NTN4: variants seen among roughly 807,000 people sequenced by gnomAD.
NTN4 encodes netrin-4.
NTN4 carries 32 observed loss-of-function variants against 73.6 expected under a neutral mutation model. The ratio of observed to expected loss-of-function variants is 0.44; its 90% confidence interval spans 0.33 to 0.58. The LOEUF (loss-of-function observed/expected upper bound fraction) is 0.58, where lower values mean the gene tolerates loss of function less well. NTN4 is among the 20% of genes least tolerant of loss of function. The pLI, the probability that NTN4 is intolerant of heterozygous loss-of-function variation, is 0.04. For missense variants in NTN4, 654 were observed against 798.3 expected (o/e 0.82, Z 2.18); for synonymous variants, 258 against 287.5 (o/e 0.90, Z 1.04).
intron 5 of NTN4, among the ~76,000 whole-genome samples, chr12:95,710,154 C>T (rs1021935516): frequency 4.6e-5 from 7 of 152,190 alleles, no homozygotes; most frequent in African/African-American, 1.7e-4. Flanking sequence ...CCCTCTTCAT[C>T]ACTCTTTTTT....
intron 5 of NTN4, among the ~76,000 whole-genome samples, chr12:95,703,068 G>C (rs2078498222): frequency 6.6e-6 from 1 of 152,012 alleles, no homozygotes; most frequent in Non-Finnish European, 1.5e-5. Context: ...TGTTGGCCAG[G>C]CTGGTCTCGA....
At chr12:95,708,256 T>TTTTATTTATTTATTTA (rs200402415) in intron 5 of NTN4, among the ~76,000 whole-genome samples, 6 of 142,380 alleles carry the variant, frequency 4.2e-5, no homozygotes, top group African/African-American at 1.3e-4. Context: ...TTTATTGTTA[T>TTTTATTTATTTATTTA]TTTATTTATT....
chr12:95,724,288 C>T (rs1295509859), intron 3 of NTN4, among the ~76,000 whole-genome samples: 5 of 152,114 alleles, frequency 3.3e-5, no homozygotes, highest in Admixed American at 1.3e-4. Flanking sequence ...ATACTGTTAC[C>T]AATTATGAGA....
intron 2 of NTN4, among the ~76,000 whole-genome samples, chr12:95,763,988 G>A (rs1328952985): frequency 6.6e-6 from 1 of 152,212 alleles, no homozygotes; most frequent in Non-Finnish European, 1.5e-5. Context: ...GAAAGGGGAG[G>A]AAAGAGTCAC....
chr12:95,709,984 G>T (rs2078552234), intron 5 of NTN4, among the ~76,000 whole-genome samples: 1 of 152,168 alleles, frequency 6.6e-6, no homozygotes, highest in Admixed American at 6.5e-5. Context: ...AATCAAAATG[G>T]ATTTATAAGG....
intron 2 of NTN4, among the ~76,000 whole-genome samples, chr12:95,754,121 A>G (rs914293746): frequency 2.6e-5 from 4 of 152,184 alleles, no homozygotes; most frequent in Non-Finnish European, 5.9e-5. Context: ...CAGATGTCCT[A>G]GGTCCTCCCA....
At chr12:95,693,417 TC>T (rs1248605860) in intron 5 of NTN4, among the ~76,000 whole-genome samples, 1 of 152,022 alleles carries the variant, frequency 6.6e-6, no homozygotes, top group Non-Finnish European at 1.5e-5. Context: ...TGTTATATGT[TC>T]CTTTCCTTGG....
At chr12:95,694,103 C>T (rs773468217) in intron 5 of NTN4, among the ~76,000 whole-genome samples, 1 of 152,168 alleles carries the variant, frequency 6.6e-6, no homozygotes, top group Non-Finnish European at 1.5e-5. Context: ...TTGTTGAAAC[C>T]ACCAATGGAA....
chr12:95,785,086 A>G (rs1487987646), intron 2 of NTN4, among the ~76,000 whole-genome samples: 3 of 152,160 alleles, frequency 2.0e-5, no homozygotes, highest in East Asian at 1.9e-4. Flanking sequence ...TTGCAATTTC[A>G]TAGATAAACA....
At position 95,667,863 on chromosome 12, in the gene NTN4, A is replaced by AAAATAAATAAATAAAT. The variant is rs71087991; in HGVS notation, c.1580-1899_1580-1884dup. On this transcript the variant is annotated intron_variant, in intron 8 of 9. Coordinates refer to ENST00000343702, the MANE Select transcript of NTN4 (RefSeq NM_021229.4). The stretch of plus-strand genomic sequence containing the variant: ...CGACAGAGCAAAACTCCATCTCTCA[A>AAAATAAATAAATAAAT]AAATAAATAAATAAATAAATAAATA... 7.9e-3 allele frequency among the ~76,000 whole-genome samples: 1,165 copies of AAAATAAATAAATAAAT among 148,290 alleles called. 15 individuals are homozygous for AAAATAAATAAATAAAT. Among genetic ancestry groups the AAAATAAATAAATAAAT allele is most frequent in the African/African-American group, 0.028 (1,103 of 40,096 alleles).
chr12:95,657,841 T>TA lies in NTN4; in HGVS notation c.*1244dup, dbSNP rs1432840316. On this transcript the variant is annotated 3_prime_UTR_variant, in exon 10 of 10. Coordinates refer to ENST00000343702, the MANE Select transcript of NTN4 (RefSeq NM_021229.4). ...ATTCCTTTATTACATATATGAAATA[T>TA]AAAAACAAATTAACAAAGCAATATA... The TA allele has an allele frequency of 1.3e-5, 2 of 152,306 alleles. No individual in the cohort carries two copies. The highest frequency in any genetic ancestry group is 2.4e-5 in the African/African-American group (1 of 41,420). The allele number at this position is 152,306 out of a possible 1,614,324, so 9.4% of individuals were successfully genotyped here. A position where few individuals can be genotyped will look rare whatever the true frequency, so the allele number is the denominator to read the frequency against.
At chr12:95,672,255 T>C (rs1374234588) in intron 7 of NTN4, 2 of 680,776 alleles carry the variant, frequency 2.9e-6, no homozygotes, top group African/African-American at 3.5e-5. Flanking sequence ...GGGCGGGCTG[T>C]GATTCTAGAA....
At chr12:95,717,664 GA>G (rs60647046) in intron 3 of NTN4, among the ~76,000 whole-genome samples, 1,998 of 119,236 alleles carry the variant, frequency 0.017, 42 homozygotes, top group African/African-American at 0.053. Flanking sequence ...GGTCTTCATT[GA>G]AAAAAAAAAA....
intron 2 of NTN4, among the ~76,000 whole-genome samples, chr12:95,751,725 G>C (rs952345897): frequency 1.3e-5 from 2 of 151,938 alleles, no homozygotes. Context: ...CACAGTGGAA[G>C]GTAAGGCCGT....
At chr12:95,773,550 C>T (rs2079072103) in intron 2 of NTN4, among the ~76,000 whole-genome samples, 2 of 152,096 alleles carry the variant, frequency 1.3e-5, no homozygotes, top group Non-Finnish European at 2.9e-5. Flanking sequence ...TTGGTATCAA[C>T]CTCCTCGCAG....
intron 2 of NTN4, among the ~76,000 whole-genome samples, chr12:95,780,303 A>G (rs1018624691): frequency 1.3e-5 from 2 of 152,258 alleles, no homozygotes; most frequent in African/African-American, 4.8e-5. Flanking sequence ...GACAAATGGC[A>G]TCTAATGAAA....
intron 3 of NTN4, among the ~76,000 whole-genome samples, chr12:95,719,503 A>C (rs1260592750): frequency 6.6e-6 from 1 of 152,174 alleles, no homozygotes; most frequent in Non-Finnish European, 1.5e-5. Context: ...TTCTAAAGAG[A>C]TAGTATGCCC....
intron 9 of NTN4, among the ~76,000 whole-genome samples, chr12:95,662,235 C>T (rs865994404): frequency 1.9e-4 from 23 of 118,360 alleles, no homozygotes; most frequent in South Asian, 2.9e-4. Flanking sequence ...CTTTTTCTTT[C>T]TTTTTTTTTT....
intron 2 of NTN4, among the ~76,000 whole-genome samples, chr12:95,760,698 T>TC (rs1555220900): frequency 1.5e-5 from 2 of 136,404 alleles, no homozygotes; most frequent in African/African-American, 5.8e-5. Flanking sequence ...TTTTTTTTTT[T>TC]CTCGCTTAAG....
Sources: gnomAD v4.1 joint callset for allele counts (sites outside exome capture counted in the v4.1 genomes callset) on GRCh38, gnomAD v4.1.1 for gene constraint, MANE v1.5 for transcripts, NCBI Gene and HGNC (gene_info 2026-07-23, HGNC 2026-07-21) for gene names.